TCOF1: variants seen among roughly 807,000 people sequenced by gnomAD.
The protein encoded by TCOF1 is treacle protein.
In TCOF1, 33 loss-of-function variants were observed where a neutral mutation model predicts 149.0. The ratio of observed to expected loss-of-function variants is 0.22; its 90% confidence interval spans 0.17 to 0.30. The LOEUF is 0.30. TCOF1 is among the 10% of genes least tolerant of loss of function. The pLI is 1.00. For synonymous variants in TCOF1, 789 were observed against 738.8 expected, an observed-to-expected ratio of 1.07 and a Z score of -1.10; for missense variants, 1,728 against 1,840.7, an observed-to-expected ratio of 0.94 and a Z score of 1.12.
intron 1 of TCOF1, among the ~76,000 whole-genome samples, chr5:150,359,596 G>A (rs938802393): frequency 6.6e-6 from 1 of 152,164 alleles, no homozygotes; most frequent in Non-Finnish European, 1.5e-5. Context: ...GGACTAAAGG[G>A]TGATGGGCCC....
chr5:150,386,204 G>A (rs1164131428), intron 17 of TCOF1, among the ~76,000 whole-genome samples: 1 of 152,228 alleles, frequency 6.6e-6, no homozygotes, highest in East Asian at 1.9e-4. Context: ...CAGTGGGGTG[G>A]CGTGGGCAGG....
chr5:150,388,050 A>T lies in TCOF1; in HGVS notation c.3008A>T (p.Asp1003Val). The change falls in exon 18 of 27, where the codon GAT (aspartate) becomes GTT (valine). Residue 1003 changes from aspartate to valine, a missense_variant. Asp to Val is a radical substitution (Grantham distance 152). Around this residue, in one of 2 missense-constraint regions of TCOF1, gnomAD observed 1,696 missense variants for 1,765.4 expected, o/e 0.96. Transcript: ENST00000643257. ...AGGAGCTCCTCCTCCGAGAGCGAGG[A>T]TGAGGACGTGATCCCCGCTACACAG... ...TARSSSSESE[D>V]EDVIPATQCL... 1.2e-6 allele frequency: 2 copies of T among 1,613,316 alleles called. No individual in the cohort carries two copies. Among genetic ancestry groups the T allele is most frequent in the Admixed American group, 3.3e-5 (2 of 59,998 alleles).
At chr5:150,372,727 G>A (rs922506707) in intron 7 of TCOF1, among the ~76,000 whole-genome samples, 2 of 152,180 alleles carry the variant, frequency 1.3e-5, no homozygotes, top group African/African-American at 4.8e-5. Flanking sequence ...CCAGGCCTGG[G>A]GCAGGACAAG....
chr5:150,390,664 G>A (rs1045019843), intron 19 of TCOF1, among the ~76,000 whole-genome samples: 3 of 152,058 alleles, frequency 2.0e-5, no homozygotes, highest in African/African-American at 7.2e-5. Flanking sequence ...GGTGGGCTAA[G>A]GGGGTGTTGG....
rs1011571070 is a variant in TCOF1 at position 150,376,219 on chromosome 5, C to G, written c.2031C>G (p.Gly677=). The G allele has an allele frequency of 4.3e-6, 7 of 1,614,132 alleles. No individual in the cohort carries two copies. In the Admixed American group the frequency reaches 6.7e-5, roughly 15 times the overall value. ...CAGGAACTGCGACTTCTCCAGCAGG[C>G]TCATCCCCAGCTGTGGCTGGGGGCA... The part of the protein sequence containing the change: ...RKAGTATSPA[G]SSPAVAGGTQ... The change falls in exon 13 of 27, where the codon GGC becomes GGG. Residue 677 remains glycine, a synonymous_variant. Transcript: ENST00000643257.
At chr5:150,374,117 G>C in intron 7 of TCOF1, 57 bp from the exon 8 acceptor site, 1 of 1,551,888 alleles carries the variant, frequency 6.4e-7, no homozygotes, top group Non-Finnish European at 8.8e-7. Context: ...TATCCTAAAG[G>C]CATCACCAGA....
intron 17 of TCOF1, chr5:150,383,711 C>G (rs1765702089): frequency 1.3e-6 from 2 of 1,551,262 alleles, no homozygotes; most frequent in African/African-American, 2.7e-5. Context: ...TCCCCTGGCT[C>G]CCTGTATCTC....
Position 150,376,181 on chromosome 5 carries a change from GC to G in TCOF1, c.1999del (p.Arg667GlyfsTer44). On this transcript the variant is annotated frameshift_variant, in exon 13 of 27. Coordinates refer to ENST00000643257, the MANE Select transcript of TCOF1 (RefSeq NM_001371623.1). LOFTEE classifies it high-confidence loss of function. ...CGCCCCTGTGCGAGTGGGCACCCAAGCCCCCCGGAAAGCAGGAACTGCGACT... is the reference window on the plus strand; with the variant it reads ...CGCCCCTGTGCGAGTGGGCACCCAAGCCCCCGGAAAGCAGGAACTGCGACT... ...KVAPVRVGTQAPRKAGTATSP... is the reference protein window; with the variant it reads ...KVAPVRVGTQXPRKAGTATSP... 1 of 1,614,178 alleles carries G rather than the reference GC, an allele frequency of 6.2e-7. No homozygotes were observed. The highest frequency in any genetic ancestry group is 8.5e-7 in the Non-Finnish European group (1 of 1,180,028).
At position 150,375,017 on chromosome 5, in the gene TCOF1, A is replaced by G; in HGVS notation, c.1342A>G (p.Arg448Gly). ...CTCGGCCCCTGCCAAGGAGTCCCCC[A>G]GGAAAGGGGCTGCCCCAGCACCTCC... ...AASAPAKESP[R>G]KGAAPAPPRK... The change falls in exon 10 of 27, where the codon AGG becomes GGG. Residue 448 changes from arginine (R) to glycine (G), a missense_variant. Around this residue, in one of 2 missense-constraint regions of TCOF1, gnomAD observed 1,696 missense variants for 1,765.4 expected, o/e 0.96. Transcript: ENST00000643257. 1.9e-6 allele frequency: 3 copies of G among 1,613,646 alleles called. No individual in the cohort carries two copies. Among genetic ancestry groups the G allele is most frequent in the Non-Finnish European group, 2.5e-6 (3 of 1,179,890 alleles).
chr5:150,359,760 A>G (rs1759598390), intron 1 of TCOF1, among the ~76,000 whole-genome samples: 2 of 152,226 alleles, frequency 1.3e-5, no homozygotes, highest in Admixed American at 1.3e-4. Flanking sequence ...TTCTAGTAGG[A>G]GCAGACAGGT....
rs200546518 is a variant in TCOF1, at chr5:150,376,253, C to G, written c.2065C>G (p.Pro689Ala). 1.2e-6 allele frequency: 2 copies of G among 1,614,196 alleles called. No homozygotes were observed. The highest frequency in any genetic ancestry group is 4.5e-5 in the East Asian group (2 of 44,878). Residue 689 changes from proline to alanine, a missense_variant, in exon 13 of 27, where the codon CCA becomes GCA. Coordinates refer to ENST00000643257, the MANE Select transcript of TCOF1 (RefSeq NM_001371623.1). ...SPAVAGGTQR[P>A]AEDSSSSEES... ...AGCTGTGGCTGGGGGCACCCAGAGACCAGCAGAGGATTCTTCAAGCAGTGA... is the reference window on the plus strand; with the variant it reads ...AGCTGTGGCTGGGGGCACCCAGAGAGCAGCAGAGGATTCTTCAAGCAGTGA...
intron 21 of TCOF1, 43 bp downstream of exon 21, chr5:150,392,219 G>T (rs747670424): frequency 3.8e-6 from 6 of 1,596,688 alleles, no homozygotes; most frequent in Admixed American, 1.7e-5. Flanking sequence ...CAGGAAGAGG[G>T]TGTTGTGTGG....
At chr5:150,391,911 C>G in intron 20 of TCOF1, 46 bp from the exon 21 acceptor site, 1 of 1,596,480 alleles carries the variant, frequency 6.3e-7, no homozygotes, top group African/African-American at 1.3e-5. Flanking sequence ...CCAGGTCTTA[C>G]TTGCCCTAAT....
chr5:150,399,172 G>A (rs1769253216), intron 26 of TCOF1, 102 bp downstream of exon 26: 1 of 1,526,848 alleles, frequency 6.5e-7, no homozygotes, highest in Admixed American at 1.7e-5. Context: ...GGGCTCTAAG[G>A]GGAAAGGAGG....
chr5:150,399,339 C>G (rs1581240125), intron 26 of TCOF1, among the ~76,000 whole-genome samples: 1 of 152,292 alleles, frequency 6.6e-6, no homozygotes, highest in Non-Finnish European at 1.5e-5. Flanking sequence ...GGGGTGTGCC[C>G]TGGGATGGAG....
intron 17 of TCOF1, among the ~76,000 whole-genome samples, chr5:150,385,703 G>A (rs1355729509): frequency 2.0e-5 from 3 of 152,184 alleles, no homozygotes; most frequent in African/African-American, 4.8e-5. Context: ...TTGACAGGAT[G>A]GGGTGAGCAC....
chr5:150,376,289 A>G lies in TCOF1; in HGVS notation c.2101A>G (p.Ser701Gly). ...TTCTTCAAGCAGTGAGGAATCAGAT[A>G]GTGAGGAAGAGAAGACAGGTCTTGC... ...EDSSSSEESD[S>G]EEEKTGLAVT... Residue 701 changes from serine to glycine, a missense_variant, in exon 13 of 27, where the codon AGT (serine) becomes GGT (glycine). Ser to Gly is a moderately conservative substitution (Grantham distance 56). Transcript: ENST00000643257. The G allele has an allele frequency of 1.9e-6, 3 of 1,614,164 alleles. No homozygotes were observed. The highest frequency in any genetic ancestry group is 2.5e-6 in the Non-Finnish European group (3 of 1,180,028).
rs200509548 is a variant in TCOF1, at chr5:150,396,858, T to C, written c.4345+16T>C. 902 of 1,578,922 alleles carry C rather than the reference T, an allele frequency of 5.7e-4. No homozygotes were observed. Among genetic ancestry groups the C allele is most frequent in the Non-Finnish European group, 7.3e-4 (854 of 1,163,252 alleles). ...TCCGACAAGAGTGAGTGACCGCTTC[T>C]CCCAGCCCACCCCAAGGGCTGCTGG... On this transcript the variant is annotated intron_variant, in intron 24 of 26. Coordinates refer to ENST00000643257, the MANE Select transcript of TCOF1 (RefSeq NM_001371623.1).
At chr5:150,378,872 T>G in intron 14 of TCOF1, 33 bp from the exon 15 acceptor site, 2 of 1,613,900 alleles carry the variant, frequency 1.2e-6, no homozygotes, top group East Asian at 2.2e-5. Context: ...CAATCTCACC[T>G]TCTCCCTCCT....
Sources: allele counts gnomAD v4.1 joint callset (sites outside exome capture counted in the v4.1 genomes callset), GRCh38; gene constraint gnomAD v4.1.1; regional missense constraint gnomAD v4.1.1; transcripts MANE v1.5; gene names NCBI Gene and HGNC (gene_info 2026-07-23, HGNC 2026-07-21).